PARD3B: variants seen among roughly 807,000 people sequenced by gnomAD.
PARD3B encodes the protein par-3 family cell polarity regulator beta.
A neutral mutation model predicts 130.2 loss-of-function variants in PARD3B; 103 were observed. That is an observed-to-expected ratio of 0.79 (90% CI 0.67 to 0.93). The LOEUF is 0.93. Among genes scored for constraint, PARD3B ranks in the 40% least tolerant of loss-of-function variants. PARD3B has a pLI of 0.00. For missense variants in PARD3B, 1,609 were observed against 1,499.2 expected (o/e 1.07, Z -1.21); for synonymous variants, 583 against 553.2 (o/e 1.05, Z -0.76).
chr2:205,187,007 T>A lies in PARD3B; in HGVS notation c.2024+1144T>A, dbSNP rs2036141246. 6.6e-6 allele frequency among the ~76,000 whole-genome samples: 1 copy of A among 152,218 alleles called. No homozygotes were observed. Among genetic ancestry groups the A allele is most frequent in the African/African-American group, 2.4e-5 (1 of 41,462 alleles). On this transcript the variant is annotated intron_variant, in intron 14 of 22. Transcript: ENST00000406610. The surrounding 1 kb of genome is among the most constrained non-coding windows in gnomAD (Gnocchi z 4.9). ...AAAGCTGAATCAGATATAAACCCTG[T>A]CTTCAGGAAGCTGGTAGGCTGACAG...
intron 10 of PARD3B, among the ~76,000 whole-genome samples, chr2:205,157,633 T>A (rs2034258815): frequency 6.6e-6 from 1 of 152,190 alleles, no homozygotes; most frequent in Non-Finnish European, 1.5e-5. Context: ...AGTAATTTTT[T>A]AAATATGTAA....
intron 15 of PARD3B, among the ~76,000 whole-genome samples, chr2:205,232,435 TA>T (rs1559567641): frequency 6.6e-6 from 1 of 151,978 alleles, no homozygotes; most frequent in Non-Finnish European, 1.5e-5. Flanking sequence ...ATCTTATCTG[TA>T]AAAAAGTTTT....
intron 15 of PARD3B, among the ~76,000 whole-genome samples, chr2:205,195,940 T>C (rs2036660208): frequency 6.6e-6 from 1 of 152,212 alleles, no homozygotes; most frequent in Non-Finnish European, 1.5e-5. Context: ...GTAGCCTTGT[T>C]TTTGTTTCAT....
chr2:205,350,004 G>T (rs1488246374), intron 18 of PARD3B, among the ~76,000 whole-genome samples: 1 of 151,922 alleles, frequency 6.6e-6, no homozygotes, highest in African/African-American at 2.4e-5. Flanking sequence ...GCTGACATAA[G>T]GCCTCTGGTT....
intron 19 of PARD3B, among the ~76,000 whole-genome samples, chr2:205,426,164 A>G (rs1158729738): frequency 6.6e-6 from 1 of 152,200 alleles, no homozygotes; most frequent in East Asian, 1.9e-4. Context: ...AAAAATATTA[A>G]TGCAGTTAAA....
chr2:205,217,844 ATGTGTGTGTG>A (rs747500423), intron 15 of PARD3B, among the ~76,000 whole-genome samples: 2,593 of 88,618 alleles, frequency 0.029, 68 homozygotes, highest in Non-Finnish European at 0.04. Flanking sequence ...ATGTGTGTAT[ATGTGTGTGTG>A]TGTGTGTGTG....
intron 22 of PARD3B, among the ~76,000 whole-genome samples, chr2:205,600,625 G>T (rs898780195): frequency 2.0e-5 from 3 of 152,156 alleles, no homozygotes; most frequent in Non-Finnish European, 4.4e-5. Flanking sequence ...ACCCCTGCAT[G>T]CATTAGCTGT....
In PARD3B at chr2:205,078,428, C is replaced by CT. The variant is rs973576004; in HGVS notation, c.505-25991dup. ...TTTCTAAAGATAGACCAAAGACCCA[C>CT]TTTTTTTCCTGAGTAATTCTGTCTC... On this transcript the variant is annotated intron_variant, in intron 4 of 22. Transcript: ENST00000406610. This position sits in a 1 kb window ranked among gnomAD's most constrained non-coding sequence, Gnocchi z 4.0. 2.4e-4 allele frequency among the ~76,000 whole-genome samples: 36 copies of CT among 152,122 alleles called. No individual in the cohort carries two copies. Among genetic ancestry groups the CT allele is most frequent in the African/African-American group, 8.2e-4 (34 of 41,428 alleles).
intron 15 of PARD3B, among the ~76,000 whole-genome samples, chr2:205,221,837 C>G (rs935110673): frequency 6.6e-6 from 1 of 152,042 alleles, no homozygotes; most frequent in African/African-American, 2.4e-5. Context: ...TTTCCAGGTG[C>G]GTGAGACTCT....
chr2:204,593,201 A>G (rs2033147509), intron 1 of PARD3B, among the ~76,000 whole-genome samples: 1 of 152,222 alleles, frequency 6.6e-6, no homozygotes, highest in African/African-American at 2.4e-5. Context: ...TGTGGAGTCA[A>G]GGGCTACTAT....
At chr2:205,381,122 ATATT>A (rs1443431156) in intron 18 of PARD3B, among the ~76,000 whole-genome samples, 1 of 96,938 alleles carries the variant, frequency 1.0e-5, no homozygotes, top group Non-Finnish European at 2.0e-5. Flanking sequence ...TATATTATAT[ATATT>A]ATATATAAAG....
At chr2:205,140,618 G>A (rs2032875869) in intron 10 of PARD3B, among the ~76,000 whole-genome samples, 1 of 150,538 alleles carries the variant, frequency 6.6e-6, no homozygotes, top group African/African-American at 2.4e-5. Context: ...TACTATTAAT[G>A]TTTCTTAAGA....
At position 205,193,366 on chromosome 2, in the gene PARD3B, C is replaced by A. The variant is rs745319554; in HGVS notation, c.2140+46C>A. 1.4e-5 allele frequency: 19 copies of A among 1,376,712 alleles called. No individual in the cohort carries two copies. The East Asian group carries it at 4.1e-4, about 30-fold the overall frequency. The allele number at this position is 1,376,712 out of a possible 1,614,324, so 85.3% of individuals were successfully genotyped here. A position where few individuals can be genotyped will look rare whatever the true frequency, so the allele number is the denominator to read the frequency against. On this transcript the variant is annotated intron_variant, in intron 15 of 22. Coordinates refer to ENST00000406610, the MANE Select transcript of PARD3B (RefSeq NM_001302769.2). ...ATCCAGGTCAGCTCTCCAGCCTCAG[C>A]CCATTTATCTTCCCAAATGTCCTGG...
intron 14 of PARD3B, among the ~76,000 whole-genome samples, chr2:205,189,551 CA>C (rs2036280495): frequency 6.6e-6 from 1 of 152,178 alleles, no homozygotes; most frequent in Admixed American, 6.5e-5. Flanking sequence ...CACTGCAGCC[CA>C]CTCAGCCATG....
intron 3 of PARD3B, among the ~76,000 whole-genome samples, chr2:204,986,953 G>A (rs1479956069): frequency 1.3e-5 from 2 of 152,156 alleles, no homozygotes; most frequent in Non-Finnish European, 2.9e-5. Flanking sequence ...ATTACCAGGA[G>A]AAAATGTTTC....
At chr2:205,004,255 G>A (rs1160021212) in intron 3 of PARD3B, among the ~76,000 whole-genome samples, 1 of 152,194 alleles carries the variant, frequency 6.6e-6, no homozygotes. Flanking sequence ...ATCACTCAGT[G>A]CATTGTCAGT....
chr2:205,553,533 G>A, intron 22 of PARD3B, 130 bp downstream of exon 22: 1 of 780,932 alleles, frequency 1.3e-6, no homozygotes, highest in Non-Finnish European at 2.1e-6. Context: ...GCCGTCTGCT[G>A]TAGCCCTAGT....
intron 1 of PARD3B, among the ~76,000 whole-genome samples, chr2:204,613,183 A>G (rs943483776): frequency 6.6e-6 from 1 of 152,052 alleles, no homozygotes; most frequent in Non-Finnish European, 1.5e-5. Flanking sequence ...TTTGACATTT[A>G]TGTCTGAAAA....
chr2:204,991,921 G>A (rs1458719933), intron 3 of PARD3B, among the ~76,000 whole-genome samples: 1 of 150,692 alleles, frequency 6.6e-6, no homozygotes, highest in Non-Finnish European at 1.5e-5. Context: ...TTTTGATGGG[G>A]TTGTTTGTTT....
Sources: gnomAD v4.1 joint callset for allele counts (sites outside exome capture counted in the v4.1 genomes callset) on GRCh38, gnomAD v4.1.1 for gene constraint, Gnocchi (gnomAD v3.1) non-coding constraint, MANE v1.5 for transcripts, NCBI Gene and HGNC (gene_info 2026-07-23, HGNC 2026-07-21) for gene names.